Variants in GGT5 observed in about 807,000 individuals in gnomAD.
GGT5 encodes gamma-glutamyltransferase 5, also known as glutathione hydrolase 5 proenzyme.
Under a neutral mutation model 58.1 loss-of-function variants are expected in GGT5, and 50 were observed. That is an observed-to-expected ratio of 0.86 (90% CI 0.69 to 1.09). The LOEUF (loss-of-function observed/expected upper bound fraction) is 1.09, where lower values mean the gene tolerates loss of function less well. Ranked by LOEUF, GGT5 falls within the 50% of genes least tolerant of loss-of-function variation. The pLI is 0.00. For synonymous variants in GGT5, 370 were observed against 346.1 expected, an observed-to-expected ratio of 1.07 and a Z score of -0.77; for missense variants, 800 against 789.4, an observed-to-expected ratio of 1.01 and a Z score of -0.16.
rs777283485 is a variant in GGT5 at position 24,233,556 on chromosome 22, C to T, written c.342G>A (p.Pro114=). 5.6e-6 allele frequency: 9 copies of T among 1,609,528 alleles called. No individual in the cohort carries two copies. Among genetic ancestry groups the T allele is most frequent in the Middle Eastern group, 2.2e-4 (1 of 4,512 alleles). The change falls in exon 3 of 12, where the codon CCG becomes CCA. Residue 114 remains proline (P), a synonymous_variant. Transcript: ENST00000327365. ...VEVINARETV[P]ASHAPSLLDQ... ...CCAGCAGGCTCGGGGCGTGGCTGGC[C>T]GGCACCGTCTCCCGGGCATTGATGA...
chr22:24,235,494 A>G (rs952235124), intron 1 of GGT5, among the ~76,000 whole-genome samples: 1 of 152,032 alleles, frequency 6.6e-6, no homozygotes, highest in African/African-American at 2.4e-5. Flanking sequence ...GTCCTGACCT[A>G]GCATGTCCAT....
chr22:24,223,607 A>C (rs772075860), intron 11 of GGT5, among the ~76,000 whole-genome samples: 1 of 152,020 alleles, frequency 6.6e-6, no homozygotes, highest in Non-Finnish European at 1.5e-5. Flanking sequence ...AAGGTCTGAA[A>C]ACTAAGGCTC....
intron 1 of GGT5, among the ~76,000 whole-genome samples, chr22:24,234,811 C>T (rs2048050054): frequency 6.6e-6 from 1 of 151,666 alleles, no homozygotes; most frequent in African/African-American, 2.4e-5. Flanking sequence ...CAAAGCAAGA[C>T]TGCCTCAAAA....
intron 9 of GGT5, 67 bp downstream of exon 9, chr22:24,225,479 A>C (rs2047725280): frequency 1.9e-6 from 3 of 1,593,652 alleles, no homozygotes; most frequent in Admixed American, 1.7e-5. Flanking sequence ...ACCCCAGCCC[A>C]GCCCCCTCCC....
chr22:24,239,839 T>C (rs1021662091), intron 1 of GGT5, among the ~76,000 whole-genome samples: 3 of 151,696 alleles, frequency 2.0e-5, no homozygotes, highest in African/African-American at 7.3e-5. Flanking sequence ...CCCAACACTT[T>C]AGGACGCCGA....
intron 7 of GGT5, 81 bp from the exon 8 acceptor site, chr22:24,226,347 C>T: frequency 1.8e-6 from 2 of 1,102,658 alleles, no homozygotes; most frequent in Non-Finnish European, 1.3e-6. Flanking sequence ...AGATCAGCCC[C>T]CATGGGGGCC....
chr22:24,228,395 T>TG (rs1364415500), intron 6 of GGT5, among the ~76,000 whole-genome samples: 1 of 151,268 alleles, frequency 6.6e-6, no homozygotes, highest in African/African-American at 2.4e-5. Context: ...GCCTGTCCAG[T>TG]GCCACCCTTA....
chr22:24,224,477 C>T (rs1445524764), intron 11 of GGT5, among the ~76,000 whole-genome samples: 3 of 151,096 alleles, frequency 2.0e-5, no homozygotes, highest in Non-Finnish European at 4.4e-5. Flanking sequence ...GTGATCGCAA[C>T]ACTGCACTCC....
intron 1 of GGT5, among the ~76,000 whole-genome samples, chr22:24,238,629 G>A (rs1220841084): frequency 5.8e-5 from 8 of 137,578 alleles, no homozygotes; most frequent in Admixed American, 4.8e-4. Context: ...ACTTGAACCC[G>A]GGAGGCAGAA....
At position 24,244,641 on chromosome 22, in the gene GGT5, G is replaced by C. The variant is rs759742316; in HGVS notation, c.85C>G (p.Leu29Val). 16 of 1,612,886 alleles carry C rather than the reference G, an allele frequency of 9.9e-6. No homozygotes were observed. The highest frequency in any genetic ancestry group is 1.4e-5 in the Non-Finnish European group (16 of 1,179,952). The part of the protein sequence containing the change: ...ALAVIVLAVV[L>V]SRHQAPCGPQ... ...CCACATGGGGCCTGGTGTCGAGAGA[G>C]GACCACAGCCAGCACAATGACAGCC... is the stretch of plus-strand genomic sequence containing the variant. The change falls in exon 1 of 12, where the codon CTC becomes GTC. Residue 29 changes from leucine (L) to valine (V), a missense_variant. Transcript: ENST00000327365.
intron 11 of GGT5, among the ~76,000 whole-genome samples, chr22:24,224,673 T>C (rs2047697061): frequency 6.6e-6 from 1 of 152,212 alleles, no homozygotes. Context: ...AAAGTCACCA[T>C]GAGGGAGAGT....
In GGT5 at chr22:24,226,718, G is replaced by A. The variant is rs140086919; in HGVS notation, c.951C>T (p.Asn317=). The A allele has an allele frequency of 9.8e-5, 158 of 1,613,360 alleles. No homozygotes were observed. Among genetic ancestry groups the A allele is most frequent in the African/African-American group, 1.2e-4 (9 of 74,882 alleles). The part of the protein sequence containing the change: ...ESMARPEGRV[N]VYHHLVETLK... ...GCGTCTCTACAAGGTGGTGGTACACGTTCACCCTCCCTTCAGGCCTGGCCA... is the reference window on the plus strand; with the variant it reads ...GCGTCTCTACAAGGTGGTGGTACACATTCACCCTCCCTTCAGGCCTGGCCA... The change falls in exon 7 of 12, where the codon AAC becomes AAT. Residue 317 remains asparagine, a synonymous_variant. Transcript: ENST00000327365.
intron 6 of GGT5, among the ~76,000 whole-genome samples, chr22:24,228,389 G>A (rs2047838782): frequency 6.6e-6 from 1 of 151,214 alleles, no homozygotes; most frequent in South Asian, 2.1e-4. Context: ...TGAGTGGCCT[G>A]TCCAGTGCCA....
chr22:24,231,373 A>T lies in GGT5; in HGVS notation c.901+11T>A. 6.5e-7 allele frequency: 1 copy of T among 1,539,978 alleles called. No individual in the cohort carries two copies. Among genetic ancestry groups the T allele is most frequent in the South Asian group, 1.2e-5 (1 of 83,826 alleles). On this transcript the variant is annotated intron_variant, in intron 6 of 11. Transcript: ENST00000327365. Reference sequence around the variant, plus strand: ...GGGGGTGGGCGCCAGGGCTCTGGGCAGGGGCTTTACCTCTTAGCACGTTGA... The same window carrying T: ...GGGGGTGGGCGCCAGGGCTCTGGGCTGGGGCTTTACCTCTTAGCACGTTGA...
chr22:24,244,220 G>T (rs891311647), intron 1 of GGT5: 9 of 299,700 alleles, frequency 3.0e-5, no homozygotes, highest in African/African-American at 1.9e-4. Context: ...CCCTGAGGCT[G>T]CCTCCTTGCG....
At chr22:24,225,877 T>C (rs1256334406) in intron 8 of GGT5, among the ~76,000 whole-genome samples, 199 bp downstream of exon 8, 1 of 152,042 alleles carries the variant, frequency 6.6e-6, no homozygotes. Flanking sequence ...CAGGTAAATC[T>C]TGGGTCGGGG....
At chr22:24,221,136 A>T (rs1438487200) in intron 11 of GGT5, among the ~76,000 whole-genome samples, 1 of 152,256 alleles carries the variant, frequency 6.6e-6, no homozygotes, top group Non-Finnish European at 1.5e-5. Flanking sequence ...GTCCTTGCTC[A>T]TTCCTGGGTG....
intron 1 of GGT5, among the ~76,000 whole-genome samples, chr22:24,236,668 C>G (rs1251257933): frequency 6.6e-6 from 1 of 150,388 alleles, no homozygotes; most frequent in Non-Finnish European, 1.5e-5. Context: ...GAGGCTGAGG[C>G]AGGAGAATGG....
At chr22:24,229,905 C>T (rs1214951941) in intron 6 of GGT5, among the ~76,000 whole-genome samples, 3 of 151,176 alleles carry the variant, frequency 2.0e-5, no homozygotes, top group South Asian at 2.1e-4. Context: ...TCCATGCAAC[C>T]GAACACCACT....
Sources: gnomAD v4.1 joint callset for allele counts (sites outside exome capture counted in the v4.1 genomes callset) on GRCh38, gnomAD v4.1.1 for gene constraint, MANE v1.5 for transcripts, NCBI Gene and HGNC (gene_info 2026-07-23, HGNC 2026-07-21) for gene names.